The following ASAP1 variants were observed in gnomAD, a reference collection of about 807,000 sequenced individuals.
ASAP1 encodes the protein ArfGAP with SH3 domain, ankyrin repeat and PH domain 1.
In ASAP1, 43 loss-of-function variants were observed where a neutral mutation model predicts 145.2. That is an observed-to-expected ratio of 0.30 (90% confidence interval 0.23 to 0.38). ASAP1 has a LOEUF of 0.38. Ranked by LOEUF, ASAP1 falls within the 10% of genes least tolerant of loss-of-function variation. ASAP1 has a pLI of 1.00. For missense variants in ASAP1, 1,018 were observed against 1,355.3 expected, an observed-to-expected ratio of 0.75 and a Z score of 3.91; for synonymous variants, 546 against 515.5, an observed-to-expected ratio of 1.06 and a Z score of -0.80.
chr8:130,424,920 G>A (rs1165968425), intron 1 of ASAP1, among the ~76,000 whole-genome samples: 1 of 150,248 alleles, frequency 6.7e-6, no homozygotes, highest in African/African-American at 2.5e-5. Flanking sequence ...TTGAACCCGG[G>A]AGGCAGAGGT....
intron 3 of ASAP1, among the ~76,000 whole-genome samples, chr8:130,270,274 T>A (rs74800458): frequency 0.018 from 2,789 of 152,334 alleles, 71 homozygotes; most frequent in Admixed American, 0.063. Flanking sequence ...TCCAATAAGA[T>A]GAAACTTTTT....
chr8:130,159,650 T>G (rs1440667412), intron 12 of ASAP1, among the ~76,000 whole-genome samples: 1 of 151,994 alleles, frequency 6.6e-6, no homozygotes, highest in Non-Finnish European at 1.5e-5. Flanking sequence ...AATTGCACGT[T>G]ACAAGACAGA....
Position 130,169,188 on chromosome 8 carries a change from G to GTA in ASAP1, c.747-123_747-122dup, listed in dbSNP as rs1023965074. Reference sequence around the variant, plus strand: ...ACAAAATCTGAAAATACACTTATCTGTATATATATACTCATTCTCTATGGA... The same window carrying GTA: ...ACAAAATCTGAAAATACACTTATCTGTATATATATATACTCATTCTCTATGGA... On this transcript the variant is annotated intron_variant, in intron 9 of 29. Coordinates refer to ENST00000518721, the MANE Select transcript of ASAP1 (RefSeq NM_018482.4). 57 of 571,306 alleles carry GTA rather than the reference G, an allele frequency of 1.0e-4. No homozygotes were observed. In the Middle Eastern group the frequency reaches 1.2e-3, roughly 12 times the overall value. The allele number at this position is 571,306 out of a possible 1,614,324, so 35.4% of individuals were successfully genotyped here. A position where few individuals can be genotyped will look rare whatever the true frequency, so the allele number is the denominator to read the frequency against.
chr8:130,199,338 A>T (rs1054537287), intron 5 of ASAP1, among the ~76,000 whole-genome samples: 1 of 152,220 alleles, frequency 6.6e-6, no homozygotes, highest in African/African-American at 2.4e-5. Flanking sequence ...ATTCCTCTCC[A>T]AATCAGAAGG....
chr8:130,432,112 A>G (rs531683131), intron 1 of ASAP1, among the ~76,000 whole-genome samples: 1 of 96,204 alleles, frequency 1.0e-5, no homozygotes, highest in Non-Finnish European at 2.0e-5. Flanking sequence ...AGAGGGGGAG[A>G]GGGAAGAGGA....
At chr8:130,405,297 G>A (rs16904262) in intron 1 of ASAP1, among the ~76,000 whole-genome samples, 2,098 of 152,192 alleles carry the variant, frequency 0.014, 52 homozygotes, top group African/African-American at 0.048. Context: ...TAACTCACAA[G>A]ATATGAAATA....
intron 4 of ASAP1, among the ~76,000 whole-genome samples, chr8:130,225,941 T>C (rs760136499): frequency 1.3e-5 from 2 of 152,070 alleles, no homozygotes; most frequent in Admixed American, 6.5e-5. Flanking sequence ...TGCCGCGGCA[T>C]GGTCATAGCT....
intron 2 of ASAP1, among the ~76,000 whole-genome samples, chr8:130,381,340 CAT>C (rs1323126526): frequency 6.6e-6 from 1 of 152,154 alleles, no homozygotes; most frequent in Non-Finnish European, 1.5e-5. Context: ...ATTTTAATAA[CAT>C]ATGTCATTTA....
intron 11 of ASAP1, 122 bp downstream of exon 11, chr8:130,167,414 G>A (rs778324237): frequency 1.2e-6 from 1 of 840,440 alleles, no homozygotes; most frequent in South Asian, 1.3e-5. Flanking sequence ...GGGGCTTATG[G>A]TAGGTACATA....
At chr8:130,311,911 T>A (rs1426132808) in intron 3 of ASAP1, among the ~76,000 whole-genome samples, 1 of 152,084 alleles carries the variant, frequency 6.6e-6, no homozygotes, top group Non-Finnish European at 1.5e-5. Flanking sequence ...AAATAGTAAT[T>A]TGAATACGAT....
At chr8:130,392,359 G>A (rs189279910) in intron 2 of ASAP1, among the ~76,000 whole-genome samples, 14 of 152,278 alleles carry the variant, frequency 9.2e-5, no homozygotes, top group African/African-American at 2.9e-4. Flanking sequence ...CATCTAACAG[G>A]GAAAAGGGAT....
chr8:130,181,965 T>G (rs1814386404), intron 7 of ASAP1, among the ~76,000 whole-genome samples: 1 of 152,196 alleles, frequency 6.6e-6, no homozygotes, highest in Non-Finnish European at 1.5e-5. Context: ...TACACAGACA[T>G]AGTGGAAAAT....
At chr8:130,284,486 A>C (rs972230115) in intron 3 of ASAP1, among the ~76,000 whole-genome samples, 4 of 152,160 alleles carry the variant, frequency 2.6e-5, no homozygotes, top group Non-Finnish European at 5.9e-5. Flanking sequence ...AAAATTTTTA[A>C]GCAGGGGAAA....
chr8:130,242,803 T>C (rs943426448), intron 3 of ASAP1, among the ~76,000 whole-genome samples: 1 of 152,094 alleles, frequency 6.6e-6, no homozygotes, highest in Non-Finnish European at 1.5e-5. Flanking sequence ...GAATTGACAA[T>C]GAAGAATTGT....
At position 130,053,426 on chromosome 8, in the gene ASAP1, T is replaced by A. The variant is rs1248718549; in HGVS notation, c.*1305A>T. On this transcript the variant is annotated 3_prime_UTR_variant, in exon 30 of 30. Coordinates refer to ENST00000518721, the MANE Select transcript of ASAP1 (RefSeq NM_018482.4). ...AATGTTCTTAAGGATCTGATAAACA[T>A]GGCTGGGATGAAAAGAAAACTGAGA... is the stretch of plus-strand genomic sequence containing the variant. 6.6e-6 allele frequency: 1 copy of A among 152,162 alleles called. No homozygotes were observed. The highest frequency in any genetic ancestry group is 1.5e-5 in the Non-Finnish European group (1 of 68,016). The allele number at this position is 152,162 out of a possible 1,614,324, so 9.4% of individuals were successfully genotyped here.
At chr8:130,317,718 T>A (rs1172966689) in intron 3 of ASAP1, among the ~76,000 whole-genome samples, 1 of 152,228 alleles carries the variant, frequency 6.6e-6, no homozygotes, top group African/African-American at 2.4e-5. Context: ...GCTACGCGTT[T>A]GTTTCACTAG....
At chr8:130,363,615 T>C (rs376984388) in intron 2 of ASAP1, among the ~76,000 whole-genome samples, 26 of 152,314 alleles carry the variant, frequency 1.7e-4, no homozygotes, top group African/African-American at 4.8e-4. Context: ...TGGTTATATA[T>C]GTAATGTCTG....
At chr8:130,069,697 A>G (rs971099946) in intron 27 of ASAP1, 4 of 152,070 alleles carry the variant, frequency 2.6e-5, no homozygotes, top group African/African-American at 9.7e-5. Context: ...GGTGGACCAA[A>G]CCCCTCCGCT....
chr8:130,317,371 C>G (rs543454994), intron 3 of ASAP1, among the ~76,000 whole-genome samples: 2 of 152,294 alleles, frequency 1.3e-5, no homozygotes, highest in African/African-American at 4.8e-5. Flanking sequence ...GGAAAAGAAA[C>G]CTCTACGATA....
Sources: allele counts gnomAD v4.1 joint callset (sites outside exome capture counted in the v4.1 genomes callset), GRCh38; gene constraint gnomAD v4.1.1; transcripts MANE v1.5; gene names NCBI Gene and HGNC (gene_info 2026-07-23, HGNC 2026-07-21).